Variants in HMCN2 observed in about 807,000 individuals in gnomAD.
HMCN2 encodes the protein hemicentin 2.
Under a neutral mutation model 377.5 loss-of-function variants are expected in HMCN2, and 325 were observed. The observed-to-expected ratio is 0.86, with a 90% CI of 0.79 to 0.94. The LOEUF (loss-of-function observed/expected upper bound fraction) is 0.94, where lower values mean the gene tolerates loss of function less well. Among genes scored for constraint, HMCN2 ranks in the 40% least tolerant of loss-of-function variants. The pLI is 0.00. For missense variants in HMCN2, 4,543 were observed against 4,725.3 expected (o/e 0.96, Z 1.13); for synonymous variants, 2,007 against 2,046.8 (o/e 0.98, Z 0.53).
chr9:130,427,209 T>C (rs1844429823), intron 90 of HMCN2, 104 bp from the exon 91 acceptor site: 8 of 1,236,002 alleles, frequency 6.5e-6, no homozygotes. Context: ...TGGCTCTGCC[T>C]GGCTAAGCTG....
chr9:130,318,164 A>G (rs1277628797), intron 15 of HMCN2, among the ~76,000 whole-genome samples: 1 of 152,178 alleles, frequency 6.6e-6, no homozygotes, highest in Non-Finnish European at 1.5e-5. Context: ...TGGGTCCAAG[A>G]CAGTCTTCCT....
In HMCN2 at chr9:130,379,239, C is replaced by T; in HGVS notation, c.8213-10C>T. On this transcript the variant is annotated splice_polypyrimidine_tract_variant and intron_variant, in intron 53 of 97. Transcript: ENST00000683500. The stretch of plus-strand genomic sequence containing the variant: ...CTGTGCTTCCTAAGGGCTTTGTCTC[C>T]CCCACCCAGTGCCCCCCATGTTCCA... 1.0e-6 allele frequency: 1 copy of T among 979,910 alleles called. No individual in the cohort carries two copies. The highest frequency in any genetic ancestry group is 1.2e-6 in the Non-Finnish European group (1 of 824,598). The allele number at this position is 979,910 out of a possible 1,614,324, so 60.7% of individuals were successfully genotyped here.
chr9:130,398,596 C>T lies in HMCN2; in HGVS notation c.11372C>T (p.Ala3791Val), dbSNP rs1292076317. Residue 3791 changes from alanine to valine, a missense_variant, in exon 75 of 98, where the codon GCC becomes GTC. Ala to Val is a moderately conservative substitution (Grantham distance 64, BLOSUM62 0). Coordinates refer to ENST00000683500, the MANE Select transcript of HMCN2 (RefSeq NM_001291815.2). Reference sequence around the variant, plus strand: ...AGCCCCTCCAACCTGACCCTGACCGCCCACACCCCAGCCTTGCTGCCCTGC... The same window carrying T: ...AGCCCCTCCAACCTGACCCTGACCGTCCACACCCCAGCCTTGCTGCCCTGC... ...APSPSNLTLT[A>V]HTPALLPCEA... 1.6e-6 allele frequency: 2 copies of T among 1,280,230 alleles called. No individual in the cohort carries two copies. The highest frequency in any genetic ancestry group is 5.6e-5 in the East Asian group (1 of 17,866). The allele number at this position is 1,280,230 out of a possible 1,614,324, so 79.3% of individuals were successfully genotyped here.
chr9:130,276,710 G>T (rs1202556486), intron 1 of HMCN2, among the ~76,000 whole-genome samples: 1 of 152,188 alleles, frequency 6.6e-6, no homozygotes, highest in South Asian at 2.1e-4. Context: ...GTCCCTTGAG[G>T]GTGTCTTTGA....
intron 1 of HMCN2, among the ~76,000 whole-genome samples, chr9:130,268,028 C>T (rs10988665): frequency 0.41 from 62,960 of 152,092 alleles, 13,925 homozygotes; most frequent in East Asian, 0.89. Context: ...ACTGATGAGA[C>T]TTTCCCAAGG....
Position 130,393,374 on chromosome 9 carries a change from C to T in HMCN2, c.10234+65C>T, listed in dbSNP as rs908900342. 8.4e-6 allele frequency: 8 copies of T among 950,792 alleles called. No homozygotes were observed. The highest frequency in any genetic ancestry group is 5.3e-5 in the African/African-American group (3 of 56,556). The allele number at this position is 950,792 out of a possible 1,614,324, so 58.9% of individuals were successfully genotyped here. A position where few individuals can be genotyped will look rare whatever the true frequency, so the allele number is the denominator to read the frequency against. On this transcript the variant is annotated intron_variant, in intron 67 of 97. Transcript: ENST00000683500. The surrounding 1 kb of genome is among the most constrained non-coding windows in gnomAD (Gnocchi z 5.2). Reference sequence around the variant, plus strand: ...GGTGGGTGAGAATCAAGGCCCTTGGCCCCCCTGCCCTTCTGGGTGGAACCA... The same window carrying T: ...GGTGGGTGAGAATCAAGGCCCTTGGTCCCCCTGCCCTTCTGGGTGGAACCA...
intron 43 of HMCN2, 88 bp downstream of exon 43, chr9:130,366,083 G>A: frequency 1.1e-6 from 1 of 941,446 alleles, no homozygotes; most frequent in Non-Finnish European, 1.3e-6. Context: ...CCACCCCAGA[G>A]CCTAGCTGAG....
intron 93 of HMCN2, 45 bp from the exon 94 acceptor site, chr9:130,429,512 C>T: frequency 6.5e-7 from 1 of 1,548,738 alleles, no homozygotes; most frequent in Non-Finnish European, 8.7e-7. Flanking sequence ...GGGGAGGGGC[C>T]CTGGGCTAGA....
intron 89 of HMCN2, 101 bp downstream of exon 89, chr9:130,425,231 T>C (rs1564883522): frequency 1.5e-6 from 2 of 1,300,706 alleles, no homozygotes; most frequent in East Asian, 5.1e-5. Context: ...CTCTCCCTTC[T>C]GACAGCGCTG....
intron 22 of HMCN2, among the ~76,000 whole-genome samples, chr9:130,336,949 TG>T (rs1171560739): frequency 6.6e-6 from 1 of 151,858 alleles, no homozygotes; most frequent in Non-Finnish European, 1.5e-5. Flanking sequence ...GAAAGCAAGG[TG>T]GGGGCCAGGC....
intron 43 of HMCN2, among the ~76,000 whole-genome samples, chr9:130,367,081 G>A (rs986648116): frequency 6.6e-6 from 1 of 152,142 alleles, no homozygotes; most frequent in Admixed American, 6.5e-5. Flanking sequence ...GTAAGTGCAA[G>A]GGTCCTGGGG....
rs116945311 is a variant in HMCN2 at position 130,360,396 on chromosome 9, T to C, written c.5774-32T>C. On this transcript the variant is annotated intron_variant, in intron 37 of 97. Transcript: ENST00000683500. This position sits in a 1 kb window ranked among gnomAD's most constrained non-coding sequence, Gnocchi z 4.7. ...CCATTCCCCCTTGCTTCTCTCTTCC[T>C]TTCCCCCTTGCATCTCTCTTCCTTT... is the stretch of plus-strand genomic sequence containing the variant. 8.3e-7 allele frequency: 1 copy of C among 1,209,216 alleles called. No homozygotes were observed. The highest frequency in any genetic ancestry group is 1.4e-5 in the South Asian group (1 of 69,892). 74.9% of individuals were successfully genotyped at this position (1,209,216 alleles called of 1,614,324 possible).
Position 130,401,234 on chromosome 9 carries a change from C to G in HMCN2, c.11770+287C>G, listed in dbSNP as rs1179867975. Among the ~76,000 whole-genome samples the G allele has an allele frequency of 3.3e-5, 5 of 152,194 alleles. No homozygotes were observed. In the East Asian group the frequency reaches 9.6e-4, roughly 29 times the overall value. ...TAGCTCCCTGGGAGTTTTTGTAAAC[C>G]TGGTTTAATCCCATCAGAAAGATCC... On this transcript the variant is annotated intron_variant, in intron 77 of 97. Coordinates refer to ENST00000683500, the MANE Select transcript of HMCN2 (RefSeq NM_001291815.2).
At chr9:130,293,346 G>A (rs928701432) in intron 4 of HMCN2, among the ~76,000 whole-genome samples, 1 of 126,406 alleles carries the variant, frequency 7.9e-6, no homozygotes. Context: ...TTGAACCGCC[G>A]GGTTTGGAAT....
At chr9:130,267,477 C>T (rs1014265167) in intron 1 of HMCN2, among the ~76,000 whole-genome samples, 1 of 133,034 alleles carries the variant, frequency 7.5e-6, no homozygotes, top group Admixed American at 7.1e-5. Flanking sequence ...CACACACACA[C>T]GCACAGATTC....
chr9:130,354,161 C>T (rs558361852), intron 31 of HMCN2, among the ~76,000 whole-genome samples: 24 of 152,346 alleles, frequency 1.6e-4, no homozygotes, highest in African/African-American at 5.3e-4. Flanking sequence ...TCCCAGGCCA[C>T]GGTTGCCCCT....
In HMCN2 at chr9:130,430,370, G is replaced by A. The variant is rs1418742316; in HGVS notation, c.14413G>A (p.Gly4805Ser). The A allele has an allele frequency of 3.9e-6, 6 of 1,549,820 alleles. No individual in the cohort carries two copies. In the South Asian group the frequency reaches 5.9e-5, roughly 15 times the overall value. The stretch of plus-strand genomic sequence containing the variant: ...CAGCTACCGCTGCCTGTGCCCCCCA[G>A]GCCAGACCCTCCTTCGCGACGGCAA... ...QGSYRCLCPP[G>S]QTLLRDGKAC... Residue 4805 changes from glycine to serine, a missense_variant, in exon 95 of 98, where the codon GGC (glycine) becomes AGC (serine). Physicochemically the swap from Gly to Ser is moderately conservative, Grantham distance 56. Transcript: ENST00000683500.
rs1842959592 is a variant in HMCN2, at chr9:130,403,686, T to A, written c.12014-55T>A. ...GACAGAATAGCCCAATCTGCCCACC[T>A]CGGGGGTCCCCAGTCCCAGTTCCCA... On this transcript the variant is annotated intron_variant, in intron 79 of 97. Coordinates refer to ENST00000683500, the MANE Select transcript of HMCN2 (RefSeq NM_001291815.2). 4 of 1,277,170 alleles carry A rather than the reference T, an allele frequency of 3.1e-6. No individual in the cohort carries two copies. In the African/African-American group the frequency reaches 6.1e-5, roughly 19 times the overall value. The allele number at this position is 1,277,170 out of a possible 1,614,324, so 79.1% of individuals were successfully genotyped here.
intron 74 of HMCN2, 61 bp from the exon 75 acceptor site, chr9:130,398,490 C>T (rs142426690): frequency 2.0e-6 from 2 of 980,056 alleles, no homozygotes; most frequent in Non-Finnish European, 2.6e-6. Context: ...GGCACAGCCT[C>T]AGAGAGCCCC....
Sources: allele counts gnomAD v4.1 joint callset (sites outside exome capture counted in the v4.1 genomes callset), GRCh38; gene constraint gnomAD v4.1.1; non-coding constraint Gnocchi (gnomAD v3.1); transcripts MANE v1.5; gene names NCBI Gene and HGNC (gene_info 2026-07-23, HGNC 2026-07-21).